Variants in TUBAL3 observed in about 807,000 individuals in gnomAD.
TUBAL3 encodes tubulin alpha chain-like 3.
Under a neutral mutation model 15.5 loss-of-function variants are expected in TUBAL3, and 16 were observed. That is an observed-to-expected ratio of 1.04 (90% CI 0.70 to 1.57). TUBAL3 has a LOEUF of 1.57. Among genes scored for constraint, TUBAL3 ranks in the 40% most tolerant of loss-of-function variants. The pLI is 0.00. For synonymous variants in TUBAL3, 238 were observed against 224.3 expected, an observed-to-expected ratio of 1.06 and a Z score of -0.55; for missense variants, 609 against 576.2, an observed-to-expected ratio of 1.06 and a Z score of -0.58.
chr10:5,397,573 C>T lies in TUBAL3; in HGVS notation c.248-2098G>A, dbSNP rs953847159. 2.0e-5 allele frequency among the ~76,000 whole-genome samples: 3 copies of T among 152,080 alleles called. No homozygotes were observed. Among genetic ancestry groups the T allele is most frequent in the Non-Finnish European group, 4.4e-5 (3 of 68,004 alleles). ...AGGGCATAGTGGTTGCAGCACCTGC[C>T]GTTCATAAGTAATCCATGCCATCCA... On this transcript the variant is annotated intron_variant, in intron 2 of 3. Coordinates refer to ENST00000380419, the MANE Select transcript of TUBAL3 (RefSeq NM_024803.3). This position sits in a 1 kb window ranked among gnomAD's most constrained non-coding sequence, Gnocchi z 4.9.
Position 5,397,236 on chromosome 10 carries a change from C to T in TUBAL3, c.248-1761G>A, listed in dbSNP as rs578221571. Among the ~76,000 whole-genome samples the T allele has an allele frequency of 4.0e-4, 61 of 152,246 alleles. No homozygotes were observed. Among genetic ancestry groups the T allele is most frequent in the African/African-American group, 1.3e-3 (56 of 41,542 alleles). On this transcript the variant is annotated intron_variant, in intron 2 of 3. Transcript: ENST00000380419. The surrounding 1 kb of genome is among the most constrained non-coding windows in gnomAD (Gnocchi z 4.9). The stretch of plus-strand genomic sequence containing the variant: ...TTTTCAATTCACCGTGCCTTCCGTG[C>T]GTGACCATGAATTTCTAAACTCCAA...
In TUBAL3 at chr10:5,393,931, C is replaced by T; in HGVS notation, c.927G>A (p.Leu309=). 1.9e-6 allele frequency: 3 copies of T among 1,614,214 alleles called. No individual in the cohort carries two copies. The highest frequency in any genetic ancestry group is 2.5e-6 in the Non-Finnish European group (3 of 1,180,044). ...TTACFESSNQ[L]VKCDPRLGKY... ...TCCCAAGCCGAGGATCACACTTGAC[C>T]AGCTGGTTGGAGGACTCAAAGCAGG... is the stretch of plus-strand genomic sequence containing the variant. The change falls in exon 4 of 4, where the codon CTG becomes CTA. Residue 309 remains leucine (L), a synonymous_variant. Transcript: ENST00000380419.
chr10:5,397,767 G>A lies in TUBAL3; in HGVS notation c.248-2292C>T, dbSNP rs1486923824. On this transcript the variant is annotated intron_variant, in intron 2 of 3. Transcript: ENST00000380419. This position sits in a 1 kb window ranked among gnomAD's most constrained non-coding sequence, Gnocchi z 4.9. ...ATTCCACTTCAATCATCATCACTCAGAACTCTCCCACTTCCAAAATCTTAA... is the reference window on the plus strand; with the variant it reads ...ATTCCACTTCAATCATCATCACTCAAAACTCTCCCACTTCCAAAATCTTAA... Among the ~76,000 whole-genome samples the A allele has an allele frequency of 6.6e-6, 1 of 152,104 alleles. No individual in the cohort carries two copies. Among genetic ancestry groups the A allele is most frequent in the African/African-American group, 2.4e-5 (1 of 41,418 alleles).
intron 2 of TUBAL3, among the ~76,000 whole-genome samples, chr10:5,399,260 C>T (rs1331482757): frequency 6.6e-6 from 1 of 152,230 alleles, no homozygotes; most frequent in Non-Finnish European, 1.5e-5. Context: ...GACTAAATGG[C>T]TGTGTCCCCC....
intron 2 of TUBAL3, among the ~76,000 whole-genome samples, chr10:5,399,667 T>C (rs1554814466): frequency 1.3e-5 from 2 of 152,244 alleles, no homozygotes; most frequent in East Asian, 3.8e-4. Flanking sequence ...GAAGTGTTTA[T>C]GGGGTTGTAT....
Position 5,395,542 on chromosome 10 carries a change from T to A in TUBAL3, c.248-67A>T. On this transcript the variant is annotated intron_variant, in intron 2 of 3. Transcript: ENST00000380419. The surrounding 1 kb of genome is among the most constrained non-coding windows in gnomAD (Gnocchi z 4.6). ...AATTCAGCCGTCCACCTGCTGCTAG[T>A]CCTCCTGGAGCCTCCCCGTACTTGA... 1 of 1,353,038 alleles carries A rather than the reference T, an allele frequency of 7.4e-7. No individual in the cohort carries two copies. 83.8% of individuals were successfully genotyped at this position (1,353,038 alleles called of 1,614,324 possible). A position where few individuals can be genotyped will look rare whatever the true frequency, so the allele number is the denominator to read the frequency against.
At position 5,393,707 on chromosome 10, in the gene TUBAL3, A is replaced by G. The variant is rs782023017; in HGVS notation, c.1151T>C (p.Met384Thr). ...CACAATCGCCGTGGTGTTGCTCAGC[A>G]TGCAGATGGACCGGTGGACTTTGGC... is the stretch of plus-strand genomic sequence containing the variant. ...DLAKVHRSIC[M>T]LSNTTAIVEA... Residue 384 changes from methionine (M) to threonine (T), a missense_variant, in exon 4 of 4, where the codon ATG becomes ACG. By Grantham distance (81) the Met-to-Thr change is moderately conservative (BLOSUM62 -1). Transcript: ENST00000380419. The G allele has an allele frequency of 1.9e-6, 3 of 1,614,218 alleles. No individual in the cohort carries two copies. Among genetic ancestry groups the G allele is most frequent in the Non-Finnish European group, 2.5e-6 (3 of 1,180,030 alleles).
chr10:5,402,011 A>C (rs1204569078), intron 1 of TUBAL3, among the ~76,000 whole-genome samples: 1 of 152,236 alleles, frequency 6.6e-6, no homozygotes, highest in Admixed American at 6.5e-5. Flanking sequence ...GACATGGGAA[A>C]TGCTTATGAT....
In TUBAL3 at chr10:5,395,807, C is replaced by A. The variant is rs1831755867; in HGVS notation, c.248-332G>T. Among the ~76,000 whole-genome samples the A allele has an allele frequency of 6.6e-6, 1 of 152,156 alleles. No homozygotes were observed. The highest frequency in any genetic ancestry group is 2.1e-4 in the South Asian group (1 of 4,816). On this transcript the variant is annotated intron_variant, in intron 2 of 3. Coordinates refer to ENST00000380419, the MANE Select transcript of TUBAL3 (RefSeq NM_024803.3). The surrounding 1 kb of genome is among the most constrained non-coding windows in gnomAD (Gnocchi z 4.6). ...AGAGGCTGGAAGTCTAACATCAAGG[C>A]GTTGGTAGGCTTGGTTCCTGCTGGA...
At chr10:5,400,608 G>A (rs1761166725) in intron 2 of TUBAL3, among the ~76,000 whole-genome samples, 1 of 152,152 alleles carries the variant, frequency 6.6e-6, no homozygotes, top group Non-Finnish European at 1.5e-5. Flanking sequence ...TCCTGCCTGA[G>A]TGACTCATCT....
chr10:5,394,205 T>C lies in TUBAL3; in HGVS notation c.653A>G (p.Asp218Gly), dbSNP rs1429357870. 23 of 1,614,010 alleles carry C rather than the reference T, an allele frequency of 1.4e-5. No individual in the cohort carries two copies. Among genetic ancestry groups the C allele is most frequent in the Non-Finnish European group, 1.7e-5 (20 of 1,180,040 alleles). ...TFMVDNEAVY[D>G]ICHRKLGVEC... Reference sequence around the variant, plus strand: ...AACACCGAGTTTACGATGGCATATATCATAGACGGCCTCGTTGTCCACCAT... The same window carrying C: ...AACACCGAGTTTACGATGGCATATACCATAGACGGCCTCGTTGTCCACCAT... Residue 218 changes from aspartate (D) to glycine (G), a missense_variant, in exon 4 of 4, where the codon GAT (aspartate) becomes GGT (glycine). Physicochemically the swap from Asp to Gly is moderately conservative, Grantham distance 94. Coordinates refer to ENST00000380419, the MANE Select transcript of TUBAL3 (RefSeq NM_024803.3). The surrounding 1 kb of genome is among the most constrained non-coding windows in gnomAD (Gnocchi z 4.3).
In TUBAL3 at chr10:5,394,272, G is replaced by A. The variant is rs868949621; in HGVS notation, c.586C>T (p.Leu196Phe). Reference sequence around the variant, plus strand: ...TGCTCTGTGGTGGAGTGGGTGGTGAGGACAGAGTTATAAGGCTCTACCACA... The same window carrying A: ...TGCTCTGTGGTGGAGTGGGTGGTGAAGACAGAGTTATAAGGCTCTACCACA... Reference protein sequence around the residue: ...TAVVEPYNSVLTTHSTTEHTD... With the variant: ...TAVVEPYNSVFTTHSTTEHTD... Residue 196 changes from leucine to phenylalanine, a missense_variant, in exon 4 of 4, where the codon CTC becomes TTC. By Grantham distance (22) the Leu-to-Phe change is conservative. Transcript: ENST00000380419. This position sits in a 1 kb window ranked among gnomAD's most constrained non-coding sequence, Gnocchi z 4.3. The A allele has an allele frequency of 1.9e-6, 3 of 1,614,146 alleles. No homozygotes were observed. The highest frequency in any genetic ancestry group is 1.6e-4 in the Middle Eastern group (1 of 6,062).
In TUBAL3 at chr10:5,393,712, G is replaced by T; in HGVS notation, c.1146C>A (p.Ile382=). The stretch of plus-strand genomic sequence containing the variant: ...TCGCCGTGGTGTTGCTCAGCATGCA[G>T]ATGGACCGGTGGACTTTGGCCAGGT... The part of the protein sequence containing the change: ...GGDLAKVHRS[I]CMLSNTTAIV... The change falls in exon 4 of 4, where the codon ATC becomes ATA. Residue 382 remains isoleucine, a synonymous_variant. Coordinates refer to ENST00000380419, the MANE Select transcript of TUBAL3 (RefSeq NM_024803.3). The T allele has an allele frequency of 6.2e-7, 1 of 1,614,242 alleles. No homozygotes were observed. The highest frequency in any genetic ancestry group is 8.5e-7 in the Non-Finnish European group (1 of 1,180,042).
rs74115630 is a variant in TUBAL3 at position 5,404,183 on chromosome 10, G to A, written c.3+607C>T. Among the ~76,000 whole-genome samples, 563 of 152,306 alleles carry A rather than the reference G, an allele frequency of 3.7e-3. 4 individuals are homozygous for A. The highest frequency in any genetic ancestry group is 0.012 in the African/African-American group (508 of 41,566). On this transcript the variant is annotated intron_variant, in intron 1 of 3. Coordinates refer to ENST00000380419, the MANE Select transcript of TUBAL3 (RefSeq NM_024803.3). ...GAAATCAAAGATCAAGAAGCAGTTC[G>A]AAATGTTGCTTCCATTGAAGAATTA...
chr10:5,398,420 CAAAAAAAA>C (rs67359864), intron 2 of TUBAL3, among the ~76,000 whole-genome samples: 1 of 80,892 alleles, frequency 1.2e-5, no homozygotes, highest in Admixed American at 1.4e-4. Flanking sequence ...AACTCTGTCT[CAAAAAAAA>C]AAAAAAAAAA....
intron 2 of TUBAL3, among the ~76,000 whole-genome samples, chr10:5,398,186 C>T (rs186789067): frequency 9.1e-4 from 138 of 152,056 alleles, no homozygotes; most frequent in African/African-American, 3.2e-3. Context: ...TTTGGGAGGC[C>T]GAGGCAGGTG....
In TUBAL3 at chr10:5,397,521, A is replaced by G. The variant is rs1437577040; in HGVS notation, c.248-2046T>C. Among the ~76,000 whole-genome samples the G allele has an allele frequency of 6.6e-6, 1 of 152,154 alleles. No homozygotes were observed. ...GATCTTGAGGGTCAATAGGTTCATA[A>G]TTTATTTCCATAAAATCCATTATCT... On this transcript the variant is annotated intron_variant, in intron 2 of 3. Transcript: ENST00000380419. This position sits in a 1 kb window ranked among gnomAD's most constrained non-coding sequence, Gnocchi z 4.9.
In TUBAL3 at chr10:5,401,037, G is replaced by A. The variant is rs148158899; in HGVS notation, c.54C>T (p.Asp18=). ...HIGQAGIQIG[D]ACWELYCLEH... ...CCAGGCAATAGAGTTCCCAGCAGGC[G>A]TCCCCAATCTGGATGCCAGCTTGAC... The change falls in exon 2 of 4, where the codon GAC becomes GAT. Residue 18 remains aspartate, a synonymous_variant. Coordinates refer to ENST00000380419, the MANE Select transcript of TUBAL3 (RefSeq NM_024803.3). The A allele has an allele frequency of 3.8e-5, 62 of 1,614,106 alleles. No homozygotes were observed. Among genetic ancestry groups the A allele is most frequent in the South Asian group, 2.0e-4 (18 of 91,080 alleles).
In TUBAL3 at chr10:5,394,261, G is replaced by T. The variant is rs782589068; in HGVS notation, c.597C>A (p.His199Gln). Reference sequence around the variant, plus strand: ...TACAGTCCGTGTGCTCTGTGGTGGAGTGGGTGGTGAGGACAGAGTTATAAG... The same window carrying T: ...TACAGTCCGTGTGCTCTGTGGTGGATTGGGTGGTGAGGACAGAGTTATAAG... ...VEPYNSVLTT[H>Q]STTEHTDCTF... Residue 199 changes from histidine (H) to glutamine (Q), a missense_variant, in exon 4 of 4, where the codon CAC becomes CAA. Physicochemically the swap from His to Gln is conservative, Grantham distance 24. Transcript: ENST00000380419. This position sits in a 1 kb window ranked among gnomAD's most constrained non-coding sequence, Gnocchi z 4.3. 6.2e-7 allele frequency: 1 copy of T among 1,614,206 alleles called. No homozygotes were observed. The highest frequency in any genetic ancestry group is 1.1e-5 in the South Asian group (1 of 91,086).
Sources: allele counts gnomAD v4.1 joint callset (sites outside exome capture counted in the v4.1 genomes callset), GRCh38; gene constraint gnomAD v4.1.1; non-coding constraint Gnocchi (gnomAD v3.1); transcripts MANE v1.5; gene names NCBI Gene and HGNC (gene_info 2026-07-23, HGNC 2026-07-21).